The following MCTP1 variants were observed in gnomAD, a reference collection of about 807,000 sequenced individuals.
The protein encoded by MCTP1 is multiple C2 and transmembrane domain containing 1.
In MCTP1, 69 loss-of-function variants were observed where a neutral mutation model predicts 120.6. That is an observed-to-expected ratio of 0.57 (90% CI 0.47 to 0.70). The LOEUF (loss-of-function observed/expected upper bound fraction) is 0.70. Ranked by LOEUF, MCTP1 falls within the 30% of genes least tolerant of loss-of-function variation. The pLI, the probability that MCTP1 is intolerant of heterozygous loss-of-function variation, is 0.00. For synonymous variants in MCTP1, 529 were observed against 493.1 expected, an observed-to-expected ratio of 1.07 and a Z score of -0.96; for missense variants, 1,203 against 1,248.8, an observed-to-expected ratio of 0.96 and a Z score of 0.55.
intron 19 of MCTP1, among the ~76,000 whole-genome samples, chr5:94,744,071 A>G (rs1766283398): frequency 6.6e-6 from 1 of 151,836 alleles, no homozygotes; most frequent in Non-Finnish European, 1.5e-5. Flanking sequence ...CCCGGGCTCA[A>G]GTGATCCTCC....
intron 19 of MCTP1, among the ~76,000 whole-genome samples, chr5:94,731,311 G>A (rs185721030): frequency 3.9e-5 from 6 of 152,150 alleles, no homozygotes; most frequent in East Asian, 1.9e-4. Flanking sequence ...TGGACACCCC[G>A]ATTCTAAAGG....
At chr5:94,967,157 C>T (rs1825818211) in intron 2 of MCTP1, among the ~76,000 whole-genome samples, 1 of 152,088 alleles carries the variant, frequency 6.6e-6, no homozygotes, top group Non-Finnish European at 1.5e-5. Flanking sequence ...CTTCTTGCTC[C>T]CTCCCAGAAA....
At chr5:95,000,421 T>C (rs1365295474) in intron 2 of MCTP1, among the ~76,000 whole-genome samples, 1 of 152,190 alleles carries the variant, frequency 6.6e-6, no homozygotes, top group Non-Finnish European at 1.5e-5. Flanking sequence ...ATTATTATCA[T>C]AGGAGATGAC....
chr5:95,199,156 C>T (rs1295519841), intron 1 of MCTP1, among the ~76,000 whole-genome samples: 1 of 152,128 alleles, frequency 6.6e-6, no homozygotes, highest in Non-Finnish European at 1.5e-5. Context: ...TAAAATATAA[C>T]CAACATTTCA....
chr5:94,831,713 C>G (rs1034112956), intron 17 of MCTP1, among the ~76,000 whole-genome samples: 1 of 152,048 alleles, frequency 6.6e-6, no homozygotes, highest in African/African-American at 2.4e-5. Context: ...ATTTTAAAAG[C>G]TCTTTTCAAA....
chr5:94,961,981 C>T (rs958825668), intron 2 of MCTP1, among the ~76,000 whole-genome samples: 2 of 152,002 alleles, frequency 1.3e-5, no homozygotes, highest in East Asian at 1.9e-4. Context: ...GATTTTCTCC[C>T]GCTCTGTGGG....
chr5:94,920,586 A>G (rs1302320781), intron 7 of MCTP1, among the ~76,000 whole-genome samples: 1 of 151,742 alleles, frequency 6.6e-6, no homozygotes, highest in Non-Finnish European at 1.5e-5. Flanking sequence ...CTAACAATAC[A>G]AAAAAATCAG....
chr5:94,976,441 C>A (rs1409519060), intron 2 of MCTP1, among the ~76,000 whole-genome samples: 1 of 152,014 alleles, frequency 6.6e-6, no homozygotes, highest in African/African-American at 2.4e-5. Flanking sequence ...CACAGCAAGA[C>A]TCCATCTCAA....
chr5:95,071,952 T>A (rs1192108314), intron 1 of MCTP1, among the ~76,000 whole-genome samples: 3 of 152,204 alleles, frequency 2.0e-5, no homozygotes, highest in African/African-American at 7.2e-5. Context: ...TAAAAGTCCA[T>A]CTAGAGGAAT....
chr5:94,925,376 G>A (rs1355434142), intron 6 of MCTP1, among the ~76,000 whole-genome samples: 1 of 151,990 alleles, frequency 6.6e-6, no homozygotes, highest in East Asian at 1.9e-4. Context: ...TCTTCATCAA[G>A]ACAAGAGGCT....
At chr5:95,254,774 T>A (rs1562280748) in intron 1 of MCTP1, among the ~76,000 whole-genome samples, 2 of 152,210 alleles carry the variant, frequency 1.3e-5, no homozygotes, top group African/African-American at 4.8e-5. Context: ...CTTCCGGATG[T>A]AAAAACCTGT....
intron 2 of MCTP1, among the ~76,000 whole-genome samples, chr5:94,973,848 C>A (rs983677925): frequency 2.6e-5 from 4 of 152,032 alleles, no homozygotes; most frequent in African/African-American, 4.8e-5. Context: ...CACAGTTCGA[C>A]CTCCAAGTTA....
At chr5:95,038,809 T>C (rs1020262525) in intron 1 of MCTP1, among the ~76,000 whole-genome samples, 2 of 152,234 alleles carry the variant, frequency 1.3e-5, no homozygotes, top group Non-Finnish European at 2.9e-5. Context: ...TGGTCACCAG[T>C]GACCACACAT....
At chr5:95,182,970 G>A (rs963903353) in intron 1 of MCTP1, among the ~76,000 whole-genome samples, 13 of 151,234 alleles carry the variant, frequency 8.6e-5, no homozygotes, top group African/African-American at 3.2e-4. Flanking sequence ...AGGTTGCAGT[G>A]GGCTGAGATC....
chr5:95,259,223 G>T (rs746284290), intron 1 of MCTP1, among the ~76,000 whole-genome samples: 2 of 152,116 alleles, frequency 1.3e-5, no homozygotes, highest in East Asian at 3.9e-4. Flanking sequence ...TTTCTGAATG[G>T]CTATGTCACT....
intron 2 of MCTP1, among the ~76,000 whole-genome samples, chr5:94,971,097 T>C (rs768487323): frequency 5.9e-5 from 9 of 152,244 alleles, no homozygotes; most frequent in Non-Finnish European, 1.0e-4. Context: ...CTACAAGAAC[T>C]ATGATCTTAG....
At chr5:95,038,899 A>C (rs1562059114) in intron 1 of MCTP1, among the ~76,000 whole-genome samples, 1 of 152,116 alleles carries the variant, frequency 6.6e-6, no homozygotes, top group African/African-American at 2.4e-5. Flanking sequence ...CAAATAACTT[A>C]CCCTCTTCGA....
chr5:95,255,949 G>A (rs1473178059), intron 1 of MCTP1, among the ~76,000 whole-genome samples: 2 of 152,110 alleles, frequency 1.3e-5, no homozygotes, highest in Non-Finnish European at 2.9e-5. Flanking sequence ...GGAAGTGTTC[G>A]TCTGTAGCTC....
chr5:94,994,267 A>G (rs951006021), intron 2 of MCTP1, among the ~76,000 whole-genome samples: 4 of 152,220 alleles, frequency 2.6e-5, no homozygotes, highest in Non-Finnish European at 5.9e-5. Flanking sequence ...TACAAAGGAC[A>G]TCAGGAGCTC....
Sources: gnomAD v4.1 joint callset for allele counts (sites outside exome capture counted in the v4.1 genomes callset) on GRCh38, gnomAD v4.1.1 for gene constraint, MANE v1.5 for transcripts, NCBI Gene and HGNC (gene_info 2026-07-23, HGNC 2026-07-21) for gene names.